Variants in BLM observed in about 807,000 individuals in gnomAD.
BLM encodes the protein BLM RecQ like helicase.
BLM carries 95 observed loss-of-function variants against 135.3 expected under a neutral mutation model. That is an observed-to-expected ratio of 0.70 (90% confidence interval 0.59 to 0.83). The LOEUF is 0.83. Ranked by LOEUF, BLM falls within the 40% of genes least tolerant of loss-of-function variation. The pLI is 0.00. For missense variants in BLM, 1,518 were observed against 1,663.9 expected (o/e 0.91, Z 1.53); for synonymous variants, 520 against 589.2 (o/e 0.88, Z 1.70).
intron 12 of BLM, among the ~76,000 whole-genome samples, chr15:90,781,653 A>G (rs1182111910): frequency 1.3e-5 from 2 of 152,132 alleles, no homozygotes; most frequent in African/African-American, 4.8e-5. Flanking sequence ...ACTAACAGTA[A>G]CAATAGCTGA....
chr15:90,809,774 G>A (rs1897365201), intron 20 of BLM, among the ~76,000 whole-genome samples: 1 of 152,208 alleles, frequency 6.6e-6, no homozygotes, highest in African/African-American at 2.4e-5. Context: ...ATTATCAGAC[G>A]TTCCCGGAGT....
At chr15:90,770,167 T>TC (rs35712829) in intron 12 of BLM, among the ~76,000 whole-genome samples, 8,917 of 120,306 alleles carry the variant, frequency 0.074, 638 homozygotes, top group African/African-American at 0.18. Context: ...ATAAAAGAAA[T>TC]CCCCCCCCCC....
intron 1 of BLM, among the ~76,000 whole-genome samples, chr15:90,720,705 G>C (rs904780739): frequency 6.6e-6 from 1 of 151,964 alleles, no homozygotes; most frequent in Non-Finnish European, 1.5e-5. Context: ...CCTCAGCTGG[G>C]AGTACAGGGG....
At chr15:90,800,107 A>C (rs2151191861) in intron 17 of BLM, among the ~76,000 whole-genome samples, 1 of 152,288 alleles carries the variant, frequency 6.6e-6, no homozygotes, top group African/African-American at 2.4e-5. Context: ...GCTTTTTGGC[A>C]GATAAGAGAT....
chr15:90,790,596 G>T (rs1413289008), intron 14 of BLM, 53 bp from the exon 15 acceptor site: 1 of 1,528,524 alleles, frequency 6.5e-7, no homozygotes. Context: ...TTATGAAAAT[G>T]TTCCTTCAAG....
At chr15:90,766,609 G>T (rs1203413853) in intron 9 of BLM, among the ~76,000 whole-genome samples, 1 of 151,936 alleles carries the variant, frequency 6.6e-6, no homozygotes, top group East Asian at 1.9e-4. Context: ...TGTATTTTCA[G>T]TAGAGATGGG....
Position 90,751,850 on chromosome 15 carries a change from G to A in BLM, c.863G>A (p.Cys288Tyr), listed in dbSNP as rs1260150929. 4 of 1,612,548 alleles carry A rather than the reference G, an allele frequency of 2.5e-6. No individual in the cohort carries two copies. Among genetic ancestry groups the A allele is most frequent in the South Asian group, 1.1e-5 (1 of 91,046 alleles). ...AELHSTEKVP[C>Y]IEFDDDDYDT... Reference sequence around the variant, plus strand: ...TTACATTCAACTGAGAAAGTTCCATGTATTGAATTTGATGATGATGATTAT... The same window carrying A: ...TTACATTCAACTGAGAAAGTTCCATATATTGAATTTGATGATGATGATTAT... Residue 288 changes from cysteine to tyrosine, a missense_variant, in exon 4 of 22, where the codon TGT becomes TAT. Cys to Tyr is a radical substitution (Grantham distance 194). Transcript: ENST00000355112.
intron 14 of BLM, 129 bp from the exon 15 acceptor site, chr15:90,790,520 A>C: frequency 1.5e-6 from 1 of 681,420 alleles, no homozygotes; most frequent in Non-Finnish European, 2.3e-6. Flanking sequence ...CCAAGTTAAG[A>C]TATTAGGTTG....
intron 10 of BLM, 99 bp from the exon 11 acceptor site, chr15:90,769,034 G>A: frequency 9.1e-7 from 1 of 1,104,778 alleles, no homozygotes; most frequent in Non-Finnish European, 1.4e-6. Context: ...CCTTATAGAG[G>A]TTTTAATACA....
At chr15:90,720,895 A>G (rs936234425) in intron 1 of BLM, among the ~76,000 whole-genome samples, 5 of 152,028 alleles carry the variant, frequency 3.3e-5, no homozygotes, top group African/African-American at 1.2e-4. Flanking sequence ...GCTTTTTTCA[A>G]TATTAAATTA....
intron 1 of BLM, among the ~76,000 whole-genome samples, chr15:90,743,071 C>T (rs1190681652): frequency 1.3e-5 from 2 of 149,994 alleles, no homozygotes; most frequent in Non-Finnish European, 3.0e-5. Context: ...GAATTGCTCA[C>T]TGCAGCCTCG....
chr15:90,771,209 G>A (rs1419086294), intron 12 of BLM, among the ~76,000 whole-genome samples: 1 of 152,224 alleles, frequency 6.6e-6, no homozygotes, highest in Non-Finnish European at 1.5e-5. Context: ...GTATTAGGCT[G>A]GGTGCAGTGG....
chr15:90,751,391 A>G (rs1895677969), intron 3 of BLM, among the ~76,000 whole-genome samples: 1 of 152,180 alleles, frequency 6.6e-6, no homozygotes, highest in Non-Finnish European at 1.5e-5. Flanking sequence ...TAACTGGGAA[A>G]CTTTGTGTTA....
intron 17 of BLM, 98 bp from the exon 18 acceptor site, chr15:90,803,423 T>A: frequency 9.5e-7 from 1 of 1,051,810 alleles, no homozygotes; most frequent in Non-Finnish European, 1.4e-6. Flanking sequence ...CTATTCCATC[T>A]GTCCAAACCT....
intron 1 of BLM, among the ~76,000 whole-genome samples, chr15:90,727,925 G>A (rs1319406122): frequency 2.6e-5 from 4 of 151,924 alleles, no homozygotes; most frequent in Non-Finnish European, 2.9e-5. Flanking sequence ...GATTAGAAAT[G>A]CATCAAGTTA....
intron 1 of BLM, among the ~76,000 whole-genome samples, chr15:90,735,090 A>G (rs1403821018): frequency 2.6e-5 from 4 of 151,706 alleles, no homozygotes; most frequent in Non-Finnish European, 5.9e-5. Flanking sequence ...AGCAACAAGA[A>G]AAAGAGAAAA....
At chr15:90,801,291 T>C (rs921311295) in intron 17 of BLM, among the ~76,000 whole-genome samples, 1 of 152,186 alleles carries the variant, frequency 6.6e-6, no homozygotes, top group Non-Finnish European at 1.5e-5. Context: ...TTTGTCATCA[T>C]GTAAACAACG....
Position 90,815,492 on chromosome 15 carries a change from C to CG in BLM, c.*214dup. On this transcript the variant is annotated 3_prime_UTR_variant, in exon 22 of 22. Coordinates refer to ENST00000355112, the MANE Select transcript of BLM (RefSeq NM_000057.4). The surrounding 1 kb of genome is among the most constrained non-coding windows in gnomAD (Gnocchi z 4.6). ...TTGCTGCCGCTGCAAGTGTTGTGGC[C>CG]GTTGTTTCTCAGAACGTCTGAGGCA... The CG allele has an allele frequency of 3.4e-6, 2 of 585,948 alleles. No individual in the cohort carries two copies. The allele number at this position is 585,948 out of a possible 1,614,324, so 36.3% of individuals were successfully genotyped here. A position where few individuals can be genotyped will look rare whatever the true frequency, so the allele number is the denominator to read the frequency against.
chr15:90,794,169 G>T lies in BLM; in HGVS notation c.3022G>T (p.Glu1008Ter). 1 of 1,595,758 alleles carries T rather than the reference G, an allele frequency of 6.3e-7. No individual in the cohort carries two copies. Among genetic ancestry groups the T allele is most frequent in the South Asian group, 1.1e-5 (1 of 89,146 alleles). The change falls in exon 16 of 22, where the codon GAA becomes TAA. Residue 1008 changes from glutamate to a stop codon, truncating the protein, a stop_gained and splice_region_variant. Transcript: ENST00000355112. LOFTEE classifies it high-confidence loss of function. The part of the protein sequence containing the change: ...VTRLKRLIMM[E>*]KDGNHHTRET... ...ACTATAGTCTTCATCTCTTTTAGTG[G>T]AAAAAGATGGAAACCATCATACAAG...
Sources: allele counts gnomAD v4.1 joint callset (sites outside exome capture counted in the v4.1 genomes callset), GRCh38; gene constraint gnomAD v4.1.1; non-coding constraint Gnocchi (gnomAD v3.1); transcripts MANE v1.5; gene names NCBI Gene and HGNC (gene_info 2026-07-23, HGNC 2026-07-21).